Variants in SLC7A2 observed in about 807,000 individuals in gnomAD.
SLC7A2 encodes solute carrier family 7 member 2, also known as cationic amino acid transporter 2.
A neutral mutation model predicts 58.9 loss-of-function variants in SLC7A2; 48 were observed. The observed-to-expected ratio is 0.82, with a 90% CI of 0.65 to 1.04. The LOEUF (loss-of-function observed/expected upper bound fraction) is 1.04, where lower values mean the gene tolerates loss of function less well. Among genes scored for constraint, SLC7A2 ranks in the 50% least tolerant of loss-of-function variants. The pLI is 0.00. For synonymous variants in SLC7A2, 363 were observed against 314.5 expected, an observed-to-expected ratio of 1.15 and a Z score of -1.63; for missense variants, 1,029 against 818.8, an observed-to-expected ratio of 1.26 and a Z score of -3.13.
chr8:17,528,970 G>C (rs1016603186), intron 2 of SLC7A2, among the ~76,000 whole-genome samples: 1 of 152,104 alleles, frequency 6.6e-6, no homozygotes, highest in Non-Finnish European at 1.5e-5. Context: ...AATTCTGAAG[G>C]GAAGATGAGA....
At chr8:17,555,215 A>G (rs548996165) in intron 8 of SLC7A2, 6 of 787,840 alleles carry the variant, frequency 7.6e-6, no homozygotes, top group South Asian at 6.9e-5. Context: ...AAATTAGTAT[A>G]CAAGCATTGG....
At chr8:17,522,815 C>T (rs753034409) in intron 2 of SLC7A2, among the ~76,000 whole-genome samples, 4 of 151,986 alleles carry the variant, frequency 2.6e-5, no homozygotes, top group African/African-American at 4.8e-5. Flanking sequence ...ATATGAGGAT[C>T]GCTTGAGCCC....
rs1803447082 is a variant in SLC7A2, at chr8:17,570,230, G to A, written c.*5084G>A. 1.3e-5 allele frequency: 2 copies of A among 151,982 alleles called. No individual in the cohort carries two copies. Among genetic ancestry groups the A allele is most frequent in the Admixed American group, 6.6e-5 (1 of 15,252 alleles). The allele number at this position is 151,982 out of a possible 1,614,324, so 9.4% of individuals were successfully genotyped here. A position where few individuals can be genotyped will look rare whatever the true frequency, so the allele number is the denominator to read the frequency against. On this transcript the variant is annotated 3_prime_UTR_variant, in exon 13 of 13. Transcript: ENST00000494857. ...TTCTCTGGCCTACACCTGATTAATG[G>A]GCCCTTTATCTTTGGTGTCCCCTAG...
rs1799983736 is a variant in SLC7A2, at chr8:17,497,137, G to A, written c.-169G>A. 1 of 151,538 alleles carries A rather than the reference G, an allele frequency of 6.6e-6. No homozygotes were observed. The highest frequency in any genetic ancestry group is 2.4e-5 in the African/African-American group (1 of 41,380). The allele number at this position is 151,538 out of a possible 1,614,324, so 9.4% of individuals were successfully genotyped here. On this transcript the variant is annotated 5_prime_UTR_variant, in exon 1 of 13. Transcript: ENST00000494857. ...GCGCTCCTCTTCGCGGGACCAGCGA[G>A]GCGGCGGCCGCTGCTCCAGCGTCCC... is the stretch of plus-strand genomic sequence containing the variant.
intron 10 of SLC7A2, among the ~76,000 whole-genome samples, chr8:17,560,883 T>C (rs1177939554): frequency 6.6e-6 from 1 of 152,142 alleles, no homozygotes. Flanking sequence ...TGTCCAATAA[T>C]ATAGAAAATC....
chr8:17,536,237 A>G (rs1179992983), intron 2 of SLC7A2, among the ~76,000 whole-genome samples: 10 of 152,102 alleles, frequency 6.6e-5, no homozygotes, highest in Non-Finnish European at 1.5e-4. Flanking sequence ...GATGTTACCG[A>G]TAATCCAGAT....
intron 8 of SLC7A2, among the ~76,000 whole-genome samples, chr8:17,556,573 A>C (rs891610409): frequency 6.6e-6 from 1 of 151,846 alleles, no homozygotes; most frequent in East Asian, 1.9e-4. Flanking sequence ...ATTTTTAAGC[A>C]TACCAAAATT....
At chr8:17,495,392 A>G (rs1055708409), upstream of SLC7A2, among the ~76,000 whole-genome samples, 2 of 152,222 alleles carry the variant, frequency 1.3e-5, no homozygotes, top group Non-Finnish European at 2.9e-5. Flanking sequence ...GTCCACACGC[A>G]TCATTTCCCT....
chr8:17,504,768 C>G, intron 2 of SLC7A2, among the ~76,000 whole-genome samples: 1 of 152,196 alleles, frequency 6.6e-6, no homozygotes, highest in East Asian at 1.9e-4. Flanking sequence ...TTTACTGCAA[C>G]TCTTAAAAGA....
intron 2 of SLC7A2, among the ~76,000 whole-genome samples, chr8:17,538,221 C>T (rs534873245): frequency 6.6e-6 from 1 of 152,314 alleles, no homozygotes; most frequent in South Asian, 2.1e-4. Context: ...GGTTTTATTA[C>T]AGTGCTTGTA....
In SLC7A2 at chr8:17,566,977, G is replaced by A. The variant is rs968630682; in HGVS notation, c.*1831G>A. The A allele has an allele frequency of 2.6e-5, 4 of 152,572 alleles. 1 individual carries two copies. The South Asian group carries it at 8.3e-4, about 32-fold the overall frequency. 9.5% of individuals were successfully genotyped at this position (152,572 alleles called of 1,614,324 possible). A position where few individuals can be genotyped will look rare whatever the true frequency, so the allele number is the denominator to read the frequency against. On this transcript the variant is annotated 3_prime_UTR_variant, in exon 13 of 13. Coordinates refer to ENST00000494857, the MANE Select transcript of SLC7A2 (RefSeq NM_001370338.1). ...AAGTTGCGATGGTTTTGTATAGCCA[G>A]GAGTTTATTGTGATTAAACATCAAA...
intron 8 of SLC7A2, among the ~76,000 whole-genome samples, chr8:17,557,251 A>C (rs1179597322): frequency 6.6e-6 from 1 of 152,236 alleles, no homozygotes; most frequent in African/African-American, 2.4e-5. Flanking sequence ...TTATCTACTT[A>C]CTATGACACA....
intron 4 of SLC7A2, among the ~76,000 whole-genome samples, chr8:17,547,386 C>A (rs557166768): frequency 4.6e-5 from 7 of 152,206 alleles, no homozygotes; most frequent in Admixed American, 3.3e-4. Context: ...CACTGGGTCC[C>A]TCCCATGATA....
chr8:17,504,283 G>A (rs902642524), intron 2 of SLC7A2, among the ~76,000 whole-genome samples: 2 of 152,168 alleles, frequency 1.3e-5, no homozygotes, highest in Admixed American at 6.5e-5. Flanking sequence ...GATTGAGGCC[G>A]GTGGTAAATG....
intron 2 of SLC7A2, 89 bp from the exon 3 acceptor site, chr8:17,543,229 C>A: frequency 8.4e-7 from 1 of 1,194,680 alleles, no homozygotes; most frequent in East Asian, 2.3e-5. Context: ...CACACACACA[C>A]ACATACTCTA....
chr8:17,494,696 C>T (rs1799916721), upstream of SLC7A2, among the ~76,000 whole-genome samples: 1 of 152,130 alleles, frequency 6.6e-6, no homozygotes, highest in Non-Finnish European at 1.5e-5. Flanking sequence ...CTATTCTTTC[C>T]TCATCTAAAC....
intron 2 of SLC7A2, among the ~76,000 whole-genome samples, chr8:17,534,964 C>G (rs1050331823): frequency 7.2e-5 from 11 of 152,158 alleles, no homozygotes; most frequent in African/African-American, 1.9e-4. Flanking sequence ...CCGCCCTTCC[C>G]CTAGAGCAGC....
At chr8:17,527,699 C>A (rs1026249712) in intron 2 of SLC7A2, among the ~76,000 whole-genome samples, 7 of 152,162 alleles carry the variant, frequency 4.6e-5, no homozygotes, top group Non-Finnish European at 8.8e-5. Context: ...TCTGTCATCA[C>A]ATGGCATTCT....
chr8:17,535,921 A>G (rs1158657867), intron 2 of SLC7A2, among the ~76,000 whole-genome samples: 1 of 152,086 alleles, frequency 6.6e-6, no homozygotes, highest in Admixed American at 6.5e-5. Context: ...AATTTTTTTT[A>G]CATTTTTTAA....
Sources: allele counts gnomAD v4.1 joint callset (sites outside exome capture counted in the v4.1 genomes callset), GRCh38; gene constraint gnomAD v4.1.1; transcripts MANE v1.5; gene names NCBI Gene and HGNC (gene_info 2026-07-23, HGNC 2026-07-21).